The following DSG4 variants were observed in gnomAD, a reference collection of about 807,000 sequenced individuals.
DSG4 encodes desmoglein-4.
Under a neutral mutation model 93.1 loss-of-function variants are expected in DSG4, and 87 were observed. The ratio of observed to expected loss-of-function variants is 0.93; its 90% CI spans 0.79 to 1.12. DSG4 has a LOEUF of 1.12. Ranked by LOEUF, DSG4 falls within the 50% of genes most tolerant of loss-of-function variation. The pLI is 0.00. For missense variants in DSG4, 1,373 were observed against 1,285.7 expected (o/e 1.07, Z -1.04); for synonymous variants, 432 against 452.9 (o/e 0.95, Z 0.59).
chr18:31,398,831 C>G (rs1568067552), intron 8 of DSG4, among the ~76,000 whole-genome samples: 1 of 151,902 alleles, frequency 6.6e-6, no homozygotes, highest in Non-Finnish European at 1.5e-5. Context: ...ATATTAGCAC[C>G]TTTATTCTGC....
At chr18:31,386,498 C>T (rs938257818) in intron 2 of DSG4, among the ~76,000 whole-genome samples, 190 bp from the exon 3 acceptor site, 2 of 152,078 alleles carry the variant, frequency 1.3e-5, no homozygotes, top group Admixed American at 6.6e-5. Flanking sequence ...AAGATGATTC[C>T]AAAAGAAGTG....
At chr18:31,389,121 C>A in intron 5 of DSG4, 103 bp downstream of exon 5, 1 of 1,344,266 alleles carries the variant, frequency 7.4e-7, no homozygotes, top group Non-Finnish European at 1.1e-6. Context: ...ACAGAAAAAG[C>A]CACACTTGTA....
intron 8 of DSG4, among the ~76,000 whole-genome samples, chr18:31,394,124 T>G (rs2072278669): frequency 6.6e-6 from 1 of 152,206 alleles, no homozygotes; most frequent in Admixed American, 6.5e-5. Context: ...GTATTTTCTG[T>G]GGCTGTTTCC....
intron 1 of DSG4, among the ~76,000 whole-genome samples, chr18:31,381,007 G>A (rs1034306804): frequency 6.6e-6 from 1 of 152,180 alleles, no homozygotes; most frequent in Non-Finnish European, 1.5e-5. Context: ...ATAGAGTGTG[G>A]TGTATCCTGT....
intron 3 of DSG4, among the ~76,000 whole-genome samples, chr18:31,387,966 A>G (rs531761204): frequency 1.1e-4 from 16 of 152,268 alleles, no homozygotes; most frequent in African/African-American, 3.8e-4. Context: ...TTTTGACTAA[A>G]TCTCAGACTC....
chr18:31,388,008 C>T (rs574375852), intron 3 of DSG4, among the ~76,000 whole-genome samples: 283 of 152,198 alleles, frequency 1.9e-3, no homozygotes, highest in Admixed American at 3.7e-3. Context: ...TAATATGACA[C>T]AAGTTATTTT....
intron 7 of DSG4, among the ~76,000 whole-genome samples, chr18:31,391,674 AC>A (rs2072251220): frequency 6.6e-6 from 1 of 151,606 alleles, no homozygotes; most frequent in South Asian, 2.1e-4. Context: ...AAAAAAAAAA[AC>A]AAAAAAACAA....
chr18:31,406,540 C>T (rs1316727473), intron 12 of DSG4, among the ~76,000 whole-genome samples, 167 bp downstream of exon 12: 1 of 152,122 alleles, frequency 6.6e-6, no homozygotes, highest in Admixed American at 6.5e-5. Context: ...GCGCTTAATC[C>T]ACAATGATAA....
In DSG4 at chr18:31,409,489, G is replaced by A. The variant is rs781557311; in HGVS notation, c.1971G>A (p.Gln657=). ...TGCTGCTCCTGTGTTGCTGCAAACA[G>A]AGACAGCCAGAAGGCCTGGGAACAA... ...PLLLLLCCCK[Q]RQPEGLGTRF... The change falls in exon 13 of 16, where the codon CAG becomes CAA. Residue 657 remains glutamine, a synonymous_variant. Transcript: ENST00000308128. 6 of 1,614,194 alleles carry A rather than the reference G, an allele frequency of 3.7e-6. No homozygotes were observed. The Admixed American group carries it at 8.3e-5, about 22-fold the overall frequency.
At chr18:31,405,987 AG>A in intron 11 of DSG4, 89 bp from the exon 12 acceptor site, 1 of 1,459,620 alleles carries the variant, frequency 6.9e-7, no homozygotes, top group Non-Finnish European at 9.5e-7. Context: ...TAGTGTTTTA[AG>A]TCAATATTTG....
At chr18:31,393,990 T>C (rs1280485294) in intron 8 of DSG4, among the ~76,000 whole-genome samples, 1 of 152,202 alleles carries the variant, frequency 6.6e-6, no homozygotes, top group Non-Finnish European at 1.5e-5. Flanking sequence ...GAGTATATCA[T>C]GGACTTTCTG....
At position 31,392,345 on chromosome 18, in the gene DSG4, A is replaced by G; in HGVS notation, c.1005+5A>G. 5 of 1,613,400 alleles carry G rather than the reference A, an allele frequency of 3.1e-6. No homozygotes were observed. Among genetic ancestry groups the G allele is most frequent in the Non-Finnish European group, 4.2e-6 (5 of 1,179,604 alleles). ...GGCATTTTGAAAGTTGTCAAGGTAC[A>G]GTATAAGGATCTGCAATATTTTCTT... On this transcript the variant is annotated splice_donor_5th_base_variant and intron_variant, in intron 8 of 15. Coordinates refer to ENST00000308128, the MANE Select transcript of DSG4 (RefSeq NM_177986.5).
At chr18:31,384,137 G>C (rs1184345582) in intron 1 of DSG4, among the ~76,000 whole-genome samples, 1 of 152,048 alleles carries the variant, frequency 6.6e-6, no homozygotes, top group Non-Finnish European at 1.5e-5. Flanking sequence ...TCTGAAGCTT[G>C]TTTAATTCTA....
In DSG4 at chr18:31,409,453, G is replaced by A. The variant is rs2072461164; in HGVS notation, c.1935G>A (p.Leu645=). ...CGACATTGTCACTTTCTTGGGCAGTGGCTCCACTCTTGCTGCTCCTGTGTT... is the reference window on the plus strand; with the variant it reads ...CGACATTGTCACTTTCTTGGGCAGTAGCTCCACTCTTGCTGCTCCTGTGTT... ...MMVLGILLLI[L]APLLLLLCCC... Residue 645 remains leucine, a splice_region_variant and synonymous_variant, in exon 13 of 16, where the codon TTG becomes TTA. Transcript: ENST00000308128. The A allele has an allele frequency of 6.2e-7, 1 of 1,614,152 alleles. No homozygotes were observed. The highest frequency in any genetic ancestry group is 8.5e-7 in the Non-Finnish European group (1 of 1,180,042).
In DSG4 at chr18:31,386,706, G is replaced by T. The variant is rs2072191476; in HGVS notation, c.103G>T (p.Glu35Ter). The change falls in exon 3 of 16, where the codon GAA becomes TAA. Residue 35 changes from glutamate to a stop codon, truncating the protein, a stop_gained. Coordinates refer to ENST00000308128, the MANE Select transcript of DSG4 (RefSeq NM_177986.5). LOFTEE classifies it high-confidence loss of function. ...GCTTAAGGTGAAGGAATTTGACATTGAAAATGGCACTACAAAATGGCAAAC... is the reference window on the plus strand; with the variant it reads ...GCTTAAGGTGAAGGAATTTGACATTTAAAATGGCACTACAAAATGGCAAAC... The part of the protein sequence containing the change: ...FIVEVKEFDI[E>*]NGTTKWQTVR... 1.9e-6 allele frequency: 3 copies of T among 1,613,114 alleles called. No individual in the cohort carries two copies. The highest frequency in any genetic ancestry group is 1.1e-5 in the South Asian group (1 of 91,074).
chr18:31,391,321 G>A lies in DSG4; in HGVS notation c.819+109G>A. 3 of 1,462,486 alleles carry A rather than the reference G, an allele frequency of 2.1e-6. No individual in the cohort carries two copies. The East Asian group carries it at 6.9e-5, about 33-fold the overall frequency. 90.6% of individuals were successfully genotyped at this position (1,462,486 alleles called of 1,614,324 possible). A position where few individuals can be genotyped will look rare whatever the true frequency, so the allele number is the denominator to read the frequency against. On this transcript the variant is annotated intron_variant, in intron 7 of 15. Coordinates refer to ENST00000308128, the MANE Select transcript of DSG4 (RefSeq NM_177986.5). Reference sequence around the variant, plus strand: ...ATGAGCCTGGTTCTGTCCTATGTGTGGACATACTCAACTTTGTTATAGAAA... The same window carrying A: ...ATGAGCCTGGTTCTGTCCTATGTGTAGACATACTCAACTTTGTTATAGAAA...
At chr18:31,410,353 C>A (rs555090959) in intron 14 of DSG4, among the ~76,000 whole-genome samples, 331 of 130,706 alleles carry the variant, frequency 2.5e-3, no homozygotes, top group African/African-American at 9.1e-3. Context: ...ATATATAATA[C>A]ATACATATAT....
chr18:31,390,120 T>C (rs2144176684), intron 5 of DSG4, among the ~76,000 whole-genome samples: 1 of 152,322 alleles, frequency 6.6e-6, no homozygotes, highest in Non-Finnish European at 1.5e-5. Flanking sequence ...TATGGACAAG[T>C]CTTCTTTTCA....
At chr18:31,402,772 A>G (rs2072382431) in intron 10 of DSG4, among the ~76,000 whole-genome samples, 1 of 152,088 alleles carries the variant, frequency 6.6e-6, no homozygotes. Context: ...AAGCTCCTGG[A>G]CTCCTAATCT....
Sources: gnomAD v4.1 joint callset for allele counts (sites outside exome capture counted in the v4.1 genomes callset) on GRCh38, gnomAD v4.1.1 for gene constraint, MANE v1.5 for transcripts, NCBI Gene and HGNC (gene_info 2026-07-23, HGNC 2026-07-21) for gene names.